Variants in PARD3B observed in about 807,000 individuals in gnomAD.
PARD3B encodes the protein par-3 family cell polarity regulator beta.
PARD3B carries 103 observed loss-of-function variants against 130.2 expected under a neutral mutation model. The ratio of observed to expected loss-of-function variants is 0.79; its 90% CI spans 0.67 to 0.93. The LOEUF is 0.93. Ranked by LOEUF, PARD3B falls within the 40% of genes least tolerant of loss-of-function variation. The pLI is 0.00. For synonymous variants in PARD3B, 583 were observed against 553.2 expected, an observed-to-expected ratio of 1.05 and a Z score of -0.76; for missense variants, 1,609 against 1,499.2, an observed-to-expected ratio of 1.07 and a Z score of -1.21.
At chr2:205,071,967 CAT>C (rs1700763599) in intron 4 of PARD3B, among the ~76,000 whole-genome samples, 1 of 146,714 alleles carries the variant, frequency 6.8e-6, no homozygotes, top group Admixed American at 7.2e-5. Flanking sequence ...TTGTGTGACT[CAT>C]GTTTTCTGTG....
chr2:205,138,779 G>T (rs994194428), intron 10 of PARD3B, among the ~76,000 whole-genome samples: 1 of 152,186 alleles, frequency 6.6e-6, no homozygotes, highest in Non-Finnish European at 1.5e-5. Context: ...CCATACTTCA[G>T]AATGTCTGGG....
chr2:205,494,714 C>T lies in PARD3B; in HGVS notation c.3045-5182C>T, dbSNP rs551065307. Among the ~76,000 whole-genome samples, 8 of 152,284 alleles carry T rather than the reference C, an allele frequency of 5.3e-5. No homozygotes were observed. In the East Asian group the frequency reaches 7.7e-4, roughly 15 times the overall value. Reference sequence around the variant, plus strand: ...CCTCTGCCTTGAAATGCCTGTGAACCGCAGCCACAGAATGCCTGCTGCATT... The same window carrying T: ...CCTCTGCCTTGAAATGCCTGTGAACTGCAGCCACAGAATGCCTGCTGCATT... On this transcript the variant is annotated intron_variant, in intron 20 of 22. Coordinates refer to ENST00000406610, the MANE Select transcript of PARD3B (RefSeq NM_001302769.2).
At chr2:204,819,733 A>T (rs1014830885) in intron 2 of PARD3B, among the ~76,000 whole-genome samples, 10 of 152,186 alleles carry the variant, frequency 6.6e-5, no homozygotes, top group African/African-American at 2.4e-4. Flanking sequence ...TACAGTAAAC[A>T]CATGAATGAA....
At chr2:205,432,050 A>G (rs906639845) in intron 19 of PARD3B, among the ~76,000 whole-genome samples, 2 of 152,198 alleles carry the variant, frequency 1.3e-5, no homozygotes. Context: ...GGTAGATGAA[A>G]TACTGGACAG....
Position 205,301,997 on chromosome 2 carries a change from G to T in PARD3B, c.2630+296G>T, listed in dbSNP as rs1410629045. On this transcript the variant is annotated intron_variant, in intron 18 of 22. Coordinates refer to ENST00000406610, the MANE Select transcript of PARD3B (RefSeq NM_001302769.2). This position sits in a 1 kb window ranked among gnomAD's most constrained non-coding sequence, Gnocchi z 5.2. The stretch of plus-strand genomic sequence containing the variant: ...CTTTGGGAGGCTGGGAGGATTGCTT[G>T]AGCCCAAGAGTTCAAGACCAGCCTG... The T allele has an allele frequency of 1.1e-5, 7 of 658,866 alleles. No homozygotes were observed. The highest frequency in any genetic ancestry group is 1.9e-5 in the Non-Finnish European group (7 of 361,440). 40.8% of individuals were successfully genotyped at this position (658,866 alleles called of 1,614,324 possible).
intron 16 of PARD3B, among the ~76,000 whole-genome samples, chr2:205,259,975 T>G (rs995312663): frequency 6.6e-6 from 1 of 152,176 alleles, no homozygotes; most frequent in Admixed American, 6.5e-5. Context: ...ATATTTTTAC[T>G]AATTTGTGCA....
At chr2:204,969,334 A>T (rs1436886756) in intron 3 of PARD3B, among the ~76,000 whole-genome samples, 1 of 152,224 alleles carries the variant, frequency 6.6e-6, no homozygotes, top group Non-Finnish European at 1.5e-5. Flanking sequence ...AAATTTGTTC[A>T]TTCTCCATCT....
intron 2 of PARD3B, among the ~76,000 whole-genome samples, chr2:204,839,530 A>G (rs2044185188): frequency 1.3e-5 from 2 of 152,092 alleles, no homozygotes; most frequent in African/African-American, 4.8e-5. Flanking sequence ...CCCTGCCTCA[A>G]TCTGATGTGG....
chr2:204,957,922 T>A (rs961744945), intron 2 of PARD3B, among the ~76,000 whole-genome samples: 1 of 152,180 alleles, frequency 6.6e-6, no homozygotes, highest in Non-Finnish European at 1.5e-5. Flanking sequence ...TTTTTTTGTC[T>A]TTTAATTTAA....
chr2:205,232,968 A>G (rs970198256), intron 15 of PARD3B, among the ~76,000 whole-genome samples: 1 of 152,218 alleles, frequency 6.6e-6, no homozygotes, highest in African/African-American at 2.4e-5. Flanking sequence ...AAAATATCTG[A>G]GAAAACAATG....
At chr2:204,653,234 A>T (rs1174844770) in intron 1 of PARD3B, among the ~76,000 whole-genome samples, 1 of 150,554 alleles carries the variant, frequency 6.6e-6, no homozygotes, top group African/African-American at 2.5e-5. Flanking sequence ...CAATTTACCT[A>T]CATAACAAAC....
intron 22 of PARD3B, among the ~76,000 whole-genome samples, chr2:205,597,933 A>T (rs1040204324): frequency 6.6e-6 from 1 of 152,178 alleles, no homozygotes; most frequent in Admixed American, 6.5e-5. Context: ...AGAAATGCAA[A>T]GGGACCACTA....
chr2:204,741,245 A>G (rs1433663469), intron 2 of PARD3B, among the ~76,000 whole-genome samples: 1 of 152,208 alleles, frequency 6.6e-6, no homozygotes, highest in Non-Finnish European at 1.5e-5. Context: ...AAAAGATACA[A>G]TTAGTATTTA....
At chr2:205,087,339 C>A (rs797009527) in intron 4 of PARD3B, among the ~76,000 whole-genome samples, 3 of 152,168 alleles carry the variant, frequency 2.0e-5, no homozygotes, top group Non-Finnish European at 4.4e-5. Context: ...ATATAATGTA[C>A]TTTCCATAAA....
chr2:204,840,749 A>C (rs1270107860), intron 2 of PARD3B, among the ~76,000 whole-genome samples: 1 of 152,060 alleles, frequency 6.6e-6, no homozygotes, highest in East Asian at 1.9e-4. Flanking sequence ...CCACGGTCGC[A>C]AAGTAGGTTG....
intron 2 of PARD3B, among the ~76,000 whole-genome samples, chr2:204,924,487 G>C (rs1371981338): frequency 1.3e-5 from 2 of 151,982 alleles, no homozygotes; most frequent in Non-Finnish European, 2.9e-5. Flanking sequence ...GCAATACCAT[G>C]TATTAAAAAT....
intron 16 of PARD3B, among the ~76,000 whole-genome samples, chr2:205,271,265 A>C (rs1442217873): frequency 6.6e-6 from 1 of 152,184 alleles, no homozygotes; most frequent in Non-Finnish European, 1.5e-5. Context: ...CCTTAGCAAA[A>C]TATCAGATTG....
At chr2:205,198,977 A>G (rs558869890) in intron 15 of PARD3B, among the ~76,000 whole-genome samples, 9 of 152,082 alleles carry the variant, frequency 5.9e-5, no homozygotes, top group African/African-American at 1.4e-4. Context: ...ACTTTGACTT[A>G]AAGAAAAGAA....
chr2:205,215,985 G>A (rs2037885838), intron 15 of PARD3B, among the ~76,000 whole-genome samples: 1 of 151,926 alleles, frequency 6.6e-6, no homozygotes, highest in Non-Finnish European at 1.5e-5. Flanking sequence ...AAAAAGCAGA[G>A]TATACAATTA....
Sources: allele counts gnomAD v4.1 joint callset (sites outside exome capture counted in the v4.1 genomes callset), GRCh38; gene constraint gnomAD v4.1.1; non-coding constraint Gnocchi (gnomAD v3.1); transcripts MANE v1.5; gene names NCBI Gene and HGNC (gene_info 2026-07-23, HGNC 2026-07-21).